Variants in XIRP1 observed in about 807,000 individuals in gnomAD.
XIRP1 encodes xin actin-binding repeat-containing protein 1.
For synonymous variants in XIRP1, 984 were observed against 947.0 expected (o/e 1.04, Z -0.72); for missense variants, 2,378 against 2,345.4 (o/e 1.01, Z -0.29).
Position 39,186,967 on chromosome 3 carries a change from G to T in XIRP1, c.2479C>A (p.Leu827Ile). 1.2e-6 allele frequency: 2 copies of T among 1,607,852 alleles called. No individual in the cohort carries two copies. The highest frequency in any genetic ancestry group is 1.7e-6 in the Non-Finnish European group (2 of 1,174,794). Residue 827 changes from leucine (L) to isoleucine (I), a missense_variant, in exon 2 of 2, where the codon CTT becomes ATT. Leu to Ile is a conservative substitution (Grantham distance 5). Coordinates refer to ENST00000340369, the MANE Select transcript of XIRP1 (RefSeq NM_194293.4). The part of the protein sequence containing the change: ...IRKEELVSGE[L>I]PRIICQVLRR... ...AGGACTTGGCAGATGATCCTGGGAA[G>T]TTCACCTGACACCAGCTCCTCCTTT...
In XIRP1 at chr3:39,186,729, G is replaced by T. The variant is rs909043434; in HGVS notation, c.2717C>A (p.Ala906Glu). 15 of 1,613,894 alleles carry T rather than the reference G, an allele frequency of 9.3e-6. No homozygotes were observed. The highest frequency in any genetic ancestry group is 1.3e-5 in the Non-Finnish European group (15 of 1,180,054). ...VMQETEQGLV[A>E]LTAYSLQPRL... Reference sequence around the variant, plus strand: ...GGGCTGCAGAGAGTAGGCAGTCAGTGCGACCAGGCCCTGCTCTGTCTCCTG... The same window carrying T: ...GGGCTGCAGAGAGTAGGCAGTCAGTTCGACCAGGCCCTGCTCTGTCTCCTG... The change falls in exon 2 of 2, where the codon GCA becomes GAA. Residue 906 changes from alanine (A) to glutamate (E), a missense_variant. By Grantham distance (107) the Ala-to-Glu change is moderately radical. Transcript: ENST00000340369.
rs139648346 is a variant in XIRP1 at position 39,187,551 on chromosome 3, G to A, written c.1895C>T (p.Pro632Leu). Reference sequence around the variant, plus strand: ...GCCCACTGGCCTGTCCACAGGTTGGGGCTTGAACATCCAGGTGCAGGACTG... The same window carrying A: ...GCCCACTGGCCTGTCCACAGGTTGGAGCTTGAACATCCAGGTGCAGGACTG... ...EAQSCTWMFK[P>L]QPVDRPVGSR... The change falls in exon 2 of 2, where the codon CCC becomes CTC. Residue 632 changes from proline to leucine, a missense_variant. Pro to Leu is a moderately conservative substitution (Grantham distance 98). Transcript: ENST00000340369. The A allele has an allele frequency of 1.8e-5, 29 of 1,613,888 alleles. No homozygotes were observed. The highest frequency in any genetic ancestry group is 2.5e-5 in the Non-Finnish European group (29 of 1,180,044).
intron 1 of XIRP1, among the ~76,000 whole-genome samples, chr3:39,191,043 G>C (rs930213657): frequency 2.0e-5 from 3 of 152,200 alleles, no homozygotes; most frequent in African/African-American, 7.2e-5. Context: ...GTCTGCACTG[G>C]GGGGAGGTAC....
chr3:39,187,032 T>C lies in XIRP1; in HGVS notation c.2414A>G (p.Tyr805Cys), dbSNP rs933445351. Reference sequence around the variant, plus strand: ...CCCCTGCCCTGTGCCCGAGAGCACATACTTGGCAAGACAGAGCTCCCCTGG... The same window carrying C: ...CCCCTGCCCTGTGCCCGAGAGCACACACTTGGCAAGACAGAGCTCCCCTGG... ...RGPGELCLAK[Y>C]VLSGTGQGHP... Residue 805 changes from tyrosine to cysteine, a missense_variant, in exon 2 of 2, where the codon TAT (tyrosine) becomes TGT (cysteine). By Grantham distance (194) the Tyr-to-Cys change is radical. Coordinates refer to ENST00000340369, the MANE Select transcript of XIRP1 (RefSeq NM_194293.4). 2.5e-6 allele frequency: 4 copies of C among 1,609,922 alleles called. No individual in the cohort carries two copies. Among genetic ancestry groups the C allele is most frequent in the Non-Finnish European group, 1.7e-6 (2 of 1,176,620 alleles).
In XIRP1 at chr3:39,186,445, C is replaced by T; in HGVS notation, c.3001G>A (p.Ala1001Thr). 6.2e-7 allele frequency: 1 copy of T among 1,614,178 alleles called. No individual in the cohort carries two copies. Among genetic ancestry groups the T allele is most frequent in the Non-Finnish European group, 8.5e-7 (1 of 1,180,024 alleles). The change falls in exon 2 of 2, where the codon GCA (alanine) becomes ACA (threonine). Residue 1001 changes from alanine to threonine, a missense_variant. Transcript: ENST00000340369. ...GCAGCTTCCCCAGCCAGAGGGACTG[C>T]CTTTCCAATGGCCTGAGGAGGGCAA... is the stretch of plus-strand genomic sequence containing the variant. ...TPCPPQAIGK[A>T]VPLAGEAAAP...
chr3:39,185,925 G>T lies in XIRP1; in HGVS notation c.3521C>A (p.Ser1174Ter), dbSNP rs1489613275. 1.2e-6 allele frequency: 2 copies of T among 1,613,954 alleles called. No individual in the cohort carries two copies. Among genetic ancestry groups the T allele is most frequent in the East Asian group, 4.5e-5 (2 of 44,862 alleles). The change falls in exon 2 of 2, where the codon TCA (serine) becomes TAA (stop). Residue 1174 changes from serine (S) to a stop codon, truncating the protein, a stop_gained. Coordinates refer to ENST00000340369, the MANE Select transcript of XIRP1 (RefSeq NM_194293.4). LOFTEE classifies it low-confidence loss of function (END_TRUNC). ...PQSRHRETALSVQAPRPLQGG... is the reference protein window; with the variant it reads ...PQSRHRETAL ...CTGGAGTGGGCGGGGAGCCTGGACT[G>T]AGAGGGCAGTCTCCCTGTGCCTTGA...
chr3:39,187,756 G>A lies in XIRP1; in HGVS notation c.1690C>T (p.Gln564Ter). 1 of 1,614,130 alleles carries A rather than the reference G, an allele frequency of 6.2e-7. No homozygotes were observed. Residue 564 changes from glutamine (Q) to a stop codon, truncating the protein, a stop_gained, in exon 2 of 2, where the codon CAA becomes TAA. Transcript: ENST00000340369. LOFTEE classifies it low-confidence loss of function (END_TRUNC). Reference sequence around the variant, plus strand: ...TTCTGTCGTTCCTGCTGCTCCCGTTGGTGGATCATCTCCAGGGGCTGGGTC... The same window carrying A: ...TTCTGTCGTTCCTGCTGCTCCCGTTAGTGGATCATCTCCAGGGGCTGGGTC... ...FETQPLEMIH[Q>*]REQQERQKEE...
In XIRP1 at chr3:39,188,005, A is replaced by G. The variant is rs772679741; in HGVS notation, c.1441T>C (p.Ser481Pro). Residue 481 changes from serine (S) to proline (P), a missense_variant, in exon 2 of 2, where the codon TCC (serine) becomes CCC (proline). Transcript: ENST00000340369. Reference protein sequence around the residue: ...DSAGQAQGIGSPVYAMQDSKG... With the variant: ...DSAGQAQGIGPPVYAMQDSKG... Reference sequence around the variant, plus strand: ...CTGTCCTGCATGGCATACACTGGGGACCCTATGCCCTGGGCCTGCCCAGCA... The same window carrying G: ...CTGTCCTGCATGGCATACACTGGGGGCCCTATGCCCTGGGCCTGCCCAGCA... 3 of 1,613,978 alleles carry G rather than the reference A, an allele frequency of 1.9e-6. No individual in the cohort carries two copies. Among genetic ancestry groups the G allele is most frequent in the Non-Finnish European group, 2.5e-6 (3 of 1,180,000 alleles).
chr3:39,187,439 C>G lies in XIRP1; in HGVS notation c.2007G>C (p.Gln669His), dbSNP rs536591824. The G allele has an allele frequency of 6.2e-7, 1 of 1,614,212 alleles. No homozygotes were observed. The highest frequency in any genetic ancestry group is 8.5e-7 in the Non-Finnish European group (1 of 1,180,056). Reference sequence around the variant, plus strand: ...GTCTTCCACAGGGACGGCCTGAGGCCTGAAGAGGCTCGGTCTCAAAGACGT... The same window carrying G: ...GTCTTCCACAGGGACGGCCTGAGGCGTGAAGAGGCTCGGTCTCAAAGACGT... The part of the protein sequence containing the change: ...DRHVFETEPL[Q>H]ASGRPCGRRP... The change falls in exon 2 of 2, where the codon CAG (glutamine) becomes CAC (histidine). Residue 669 changes from glutamine to histidine, a missense_variant. Physicochemically the swap from Gln to His is conservative, Grantham distance 24 (BLOSUM62 0). Coordinates refer to ENST00000340369, the MANE Select transcript of XIRP1 (RefSeq NM_194293.4).
rs1250679369 is a variant in XIRP1, at chr3:39,184,956, A to T, written c.4490T>A (p.Leu1497His). The part of the protein sequence containing the change: ...SSVDVQALRR[L>H]FEAVPQLGGA... ...TCCCAGCTGGGGCACGGCCTCAAAG[A>T]GCCTCCGCAGGGCCTGCACGTCCAC... is the stretch of plus-strand genomic sequence containing the variant. Residue 1497 changes from leucine (L) to histidine (H), a missense_variant, in exon 2 of 2, where the codon CTC (leucine) becomes CAC (histidine). Physicochemically the swap from Leu to His is moderately conservative, Grantham distance 99. Coordinates refer to ENST00000340369, the MANE Select transcript of XIRP1 (RefSeq NM_194293.4). 3 of 1,549,436 alleles carry T rather than the reference A, an allele frequency of 1.9e-6. No homozygotes were observed. Among genetic ancestry groups the T allele is most frequent in the Non-Finnish European group, 2.6e-6 (3 of 1,149,594 alleles).
Position 39,183,841 on chromosome 3 carries a change from G to A in XIRP1, c.*73C>T. 2 of 1,525,498 alleles carry A rather than the reference G, an allele frequency of 1.3e-6. No homozygotes were observed. Among genetic ancestry groups the A allele is most frequent in the Non-Finnish European group, 1.8e-6 (2 of 1,139,074 alleles). 94.5% of individuals were successfully genotyped at this position (1,525,498 alleles called of 1,614,324 possible). A position where few individuals can be genotyped will look rare whatever the true frequency, so the allele number is the denominator to read the frequency against. On this transcript the variant is annotated 3_prime_UTR_variant, in exon 2 of 2. Transcript: ENST00000340369. ...TGGTCCTTGCTCCAGTGTACAGGAG[G>A]CAGGTACCCACTTCAGTCCTGGGGC...
chr3:39,186,995 T>C lies in XIRP1; in HGVS notation c.2451A>G (p.Ile817Met). 6.2e-7 allele frequency: 1 copy of C among 1,604,784 alleles called. No homozygotes were observed. The highest frequency in any genetic ancestry group is 8.5e-7 in the Non-Finnish European group (1 of 1,172,276). ...CACCTGACACCAGCTCCTCCTTTCGTATATAAGGGTGCCCCTGCCCTGTGC... is the reference window on the plus strand; with the variant it reads ...CACCTGACACCAGCTCCTCCTTTCGCATATAAGGGTGCCCCTGCCCTGTGC... ...LSGTGQGHPY[I>M]RKEELVSGEL... is the part of the protein sequence containing the mutation. Residue 817 changes from isoleucine to methionine, a missense_variant, in exon 2 of 2, where the codon ATA becomes ATG. Transcript: ENST00000340369.
rs762314460 is a variant in XIRP1 at position 39,185,501 on chromosome 3, G to T, written c.3945C>A (p.Asp1315Glu). ...GGSQTKTPKLDPTMPPKKKPQ... is the reference protein window; with the variant it reads ...GGSQTKTPKLEPTMPPKKKPQ... ...GCTTCTTCTTTGGGGGCATGGTGGG[G>T]TCCAGTTTTGGGGTCTTTGTCTGTG... The change falls in exon 2 of 2, where the codon GAC (aspartate) becomes GAA (glutamate). Residue 1315 changes from aspartate (D) to glutamate (E), a missense_variant. Coordinates refer to ENST00000340369, the MANE Select transcript of XIRP1 (RefSeq NM_194293.4). 2.6e-6 allele frequency: 4 copies of T among 1,561,014 alleles called. No individual in the cohort carries two copies. The highest frequency in any genetic ancestry group is 3.7e-5 in the Admixed American group (2 of 53,444).
chr3:39,188,217 C>A lies in XIRP1; in HGVS notation c.1229G>T (p.Gly410Val). 6.2e-7 allele frequency: 1 copy of A among 1,614,198 alleles called. No individual in the cohort carries two copies. Among genetic ancestry groups the A allele is most frequent in the Non-Finnish European group, 8.5e-7 (1 of 1,180,028 alleles). The change falls in exon 2 of 2, where the codon GGT (glycine) becomes GTT (valine). Residue 410 changes from glycine (G) to valine (V), a missense_variant. Transcript: ENST00000340369. Reference protein sequence around the residue: ...GHLQRVDPQDGEGHLSSDSSS... With the variant: ...GHLQRVDPQDVEGHLSSDSSS... Reference sequence around the variant, plus strand: ...GCTGTCACTGGATAGATGCCCCTCACCGTCCTGGGGATCCACTCGCTGTAG... The same window carrying A: ...GCTGTCACTGGATAGATGCCCCTCAACGTCCTGGGGATCCACTCGCTGTAG...
rs147693960 is a variant in XIRP1, at chr3:39,184,854, C to T, written c.4592G>A (p.Arg1531Gln). Reference protein sequence around the residue: ...SVEQAFGELTRVSTEVAQLKE... With the variant: ...SVEQAFGELTQVSTEVAQLKE... The stretch of plus-strand genomic sequence containing the variant: ...CAGTTGAGCAACTTCCGTGCTGACC[C>T]GTGTCAGCTCCCCAAAGGCCTGCTC... The change falls in exon 2 of 2, where the codon CGG becomes CAG. Residue 1531 changes from arginine (R) to glutamine (Q), a missense_variant. Physicochemically the swap from Arg to Gln is conservative, Grantham distance 43. Coordinates refer to ENST00000340369, the MANE Select transcript of XIRP1 (RefSeq NM_194293.4). 1.9e-5 allele frequency: 30 copies of T among 1,609,542 alleles called. No individual in the cohort carries two copies. Among genetic ancestry groups the T allele is most frequent in the African/African-American group, 5.3e-5 (4 of 74,946 alleles).
rs749315517 is a variant in XIRP1 at position 39,186,293 on chromosome 3, G to A, written c.3153C>T (p.Leu1051=). Residue 1051 remains leucine, a synonymous_variant, in exon 2 of 2, where the codon CTC becomes CTT. Transcript: ENST00000340369. ...TTPPGPGAPD[L]LAAMQSLRMA... is the part of the protein sequence containing the mutation. ...TCCGCAGACTCTGCATGGCGGCCAG[G>A]AGGTCTGGGGCCCCAGGCCCCGGAG... 8 of 1,613,920 alleles carry A rather than the reference G, an allele frequency of 5.0e-6. No homozygotes were observed. In the East Asian group the frequency reaches 6.7e-5, roughly 13 times the overall value.
chr3:39,185,987 T>A lies in XIRP1; in HGVS notation c.3459A>T (p.Pro1153=). The A allele has an allele frequency of 6.2e-7, 1 of 1,614,088 alleles. No homozygotes were observed. The highest frequency in any genetic ancestry group is 8.5e-7 in the Non-Finnish European group (1 of 1,179,986). The part of the protein sequence containing the change: ...YTAHPVRTFD[P]PGGVQLSQRE... ...TCTGAGAAAGCTGGACACCCCCAGGTGGGTCAAAGGTCCTCACGGGATGAG... is the reference window on the plus strand; with the variant it reads ...TCTGAGAAAGCTGGACACCCCCAGGAGGGTCAAAGGTCCTCACGGGATGAG... Residue 1153 remains proline, a synonymous_variant, in exon 2 of 2, where the codon CCA becomes CCT. Transcript: ENST00000340369.
chr3:39,188,398 C>T lies in XIRP1; in HGVS notation c.1048G>A (p.Glu350Lys). ...PDVQQQQHLFETRALDTLKGD... is the reference protein window; with the variant it reads ...PDVQQQQHLFKTRALDTLKGD... ...TTCAGAGTGTCCAGCGCTCGGGTCT[C>T]AAACAGATGCTGCTGCTGCTGAACA... The change falls in exon 2 of 2, where the codon GAG (glutamate) becomes AAG (lysine). Residue 350 changes from glutamate (E) to lysine (K), a missense_variant. Transcript: ENST00000340369. The T allele has an allele frequency of 1.2e-6, 2 of 1,611,540 alleles. No homozygotes were observed. Among genetic ancestry groups the T allele is most frequent in the Non-Finnish European group, 1.7e-6 (2 of 1,177,938 alleles).
In XIRP1 at chr3:39,188,521, A is replaced by G; in HGVS notation, c.925T>C (p.Trp309Arg). The G allele has an allele frequency of 1.9e-6, 3 of 1,608,680 alleles. No homozygotes were observed. Among genetic ancestry groups the G allele is most frequent in the African/African-American group, 2.7e-5 (2 of 74,964 alleles). ...TCCAGGGGCTGTGTCTCAAAGATCC[A>G]GCGAGTTGCACTGACGTCGGGCCGG... Reference protein sequence around the residue: ...GARPDVSATRWIFETQPLDAI... With the variant: ...GARPDVSATRRIFETQPLDAI... The change falls in exon 2 of 2, where the codon TGG (tryptophan) becomes CGG (arginine). Residue 309 changes from tryptophan (W) to arginine (R), a missense_variant. Transcript: ENST00000340369.
Sources: gnomAD v4.1 joint callset for allele counts (sites outside exome capture counted in the v4.1 genomes callset) on GRCh38, gnomAD v4.1.1 for gene constraint, MANE v1.5 for transcripts, NCBI Gene and HGNC (gene_info 2026-07-23, HGNC 2026-07-21) for gene names.